IMMP2L: variants seen among roughly 807,000 people sequenced by gnomAD.
IMMP2L encodes the protein mitochondrial inner membrane protease subunit 2.
A neutral mutation model predicts 19.3 loss-of-function variants in IMMP2L; 18 were observed. The ratio of observed to expected loss-of-function variants is 0.93; its 90% CI spans 0.64 to 1.38. The LOEUF (loss-of-function observed/expected upper bound fraction) is 1.38. Ranked by LOEUF, IMMP2L falls within the 40% of genes most tolerant of loss-of-function variation. The pLI is 0.00. For missense variants in IMMP2L, 233 were observed against 218.2 expected, an observed-to-expected ratio of 1.07 and a Z score of -0.43; for synonymous variants, 76 against 73.0, an observed-to-expected ratio of 1.04 and a Z score of -0.21.
chr7:111,135,016 T>C (rs1477057447), intron 3 of IMMP2L, among the ~76,000 whole-genome samples: 4 of 152,108 alleles, frequency 2.6e-5, no homozygotes, highest in Non-Finnish European at 5.9e-5. Context: ...GATAAGGAAA[T>C]TCTACCCCAA....
intron 5 of IMMP2L, among the ~76,000 whole-genome samples, chr7:110,693,239 G>A (rs1363632384): frequency 2.0e-5 from 3 of 152,162 alleles, no homozygotes; most frequent in African/African-American, 7.2e-5. Context: ...CTCTAATGCT[G>A]AGTGATCTCC....
chr7:111,241,979 C>G (rs895453051), intron 3 of IMMP2L, among the ~76,000 whole-genome samples: 1 of 151,920 alleles, frequency 6.6e-6, no homozygotes. Flanking sequence ...TATGATTCAC[C>G]TGACCCAACC....
intron 3 of IMMP2L, among the ~76,000 whole-genome samples, chr7:111,240,846 A>C (rs1288160891): frequency 6.6e-6 from 1 of 151,882 alleles, no homozygotes; most frequent in East Asian, 1.9e-4. Context: ...CCCCATACTT[A>C]AGTCACACTT....
At chr7:110,871,657 A>G (rs181011753) in intron 5 of IMMP2L, among the ~76,000 whole-genome samples, 1 of 152,264 alleles carries the variant, frequency 6.6e-6, no homozygotes, top group African/African-American at 2.4e-5. Context: ...CAAAAGAAAT[A>G]TTATGGAAGG....
chr7:111,202,196 G>GA (rs1810217190), intron 3 of IMMP2L, among the ~76,000 whole-genome samples: 1 of 152,100 alleles, frequency 6.6e-6, no homozygotes, highest in Non-Finnish European at 1.5e-5. Context: ...TGTTTCCTTT[G>GA]ATATCAGGTT....
intron 3 of IMMP2L, among the ~76,000 whole-genome samples, chr7:110,994,188 AC>A (rs1822795989): frequency 6.7e-6 from 1 of 149,430 alleles, no homozygotes; most frequent in Non-Finnish European, 1.5e-5. Flanking sequence ...CTATTGACAA[AC>A]CCCGGTTGAT....
At chr7:111,103,596 C>G (rs1210419277) in intron 3 of IMMP2L, among the ~76,000 whole-genome samples, 1 of 151,584 alleles carries the variant, frequency 6.6e-6, no homozygotes. Flanking sequence ...CTATTTTGTT[C>G]TGTCATTTCT....
At chr7:110,731,293 C>G (rs1332722552) in intron 5 of IMMP2L, among the ~76,000 whole-genome samples, 1 of 152,002 alleles carries the variant, frequency 6.6e-6, no homozygotes, top group Admixed American at 6.6e-5. Flanking sequence ...TATAGAATAT[C>G]ATAAAAAATA....
At chr7:110,674,857 C>T (rs1344376445) in intron 5 of IMMP2L, among the ~76,000 whole-genome samples, 1 of 152,140 alleles carries the variant, frequency 6.6e-6, no homozygotes, top group Non-Finnish European at 1.5e-5. Context: ...ATCTATCTGC[C>T]TGCTTCTGAT....
chr7:110,930,265 AT>A (rs1320626069), intron 4 of IMMP2L, among the ~76,000 whole-genome samples: 1 of 151,856 alleles, frequency 6.6e-6, no homozygotes, highest in Non-Finnish European at 1.5e-5. Context: ...CACCAAGGTT[AT>A]CCTCTTAGTT....
chr7:111,075,742 T>C (rs1795348828), intron 3 of IMMP2L, among the ~76,000 whole-genome samples: 1 of 152,144 alleles, frequency 6.6e-6, no homozygotes, highest in African/African-American at 2.4e-5. Context: ...TTTCCCCACG[T>C]TGTCACATCT....
At chr7:110,723,313 C>A (rs1795690948) in intron 5 of IMMP2L, among the ~76,000 whole-genome samples, 1 of 152,204 alleles carries the variant, frequency 6.6e-6, no homozygotes. Flanking sequence ...CACCAGCTAA[C>A]AGAATAAACT....
At chr7:111,553,724 A>G (rs190197444) in intron 1 of IMMP2L, among the ~76,000 whole-genome samples, 38 of 152,314 alleles carry the variant, frequency 2.5e-4, no homozygotes, top group Admixed American at 2.0e-3. Flanking sequence ...AGCATTACAC[A>G]AATGTAGTAA....
intron 3 of IMMP2L, among the ~76,000 whole-genome samples, chr7:111,207,639 G>A (rs1311193287): frequency 3.4e-5 from 5 of 145,028 alleles, no homozygotes; most frequent in African/African-American, 1.0e-4. Context: ...GGGTTCAAGC[G>A]ATTCTACTGC....
chr7:110,766,717 T>G (rs967100743), intron 5 of IMMP2L, among the ~76,000 whole-genome samples: 1 of 152,112 alleles, frequency 6.6e-6, no homozygotes, highest in African/African-American at 2.4e-5. Flanking sequence ...GTTTCCTTTA[T>G]GAAAACTGAG....
chr7:110,967,833 A>C (rs1307333236), intron 3 of IMMP2L, among the ~76,000 whole-genome samples: 1 of 152,122 alleles, frequency 6.6e-6, no homozygotes, highest in East Asian at 1.9e-4. Context: ...GTAGAACGAA[A>C]AGTCCACTCA....
intron 3 of IMMP2L, among the ~76,000 whole-genome samples, chr7:111,317,172 G>C (rs963390789): frequency 2.6e-5 from 4 of 152,104 alleles, no homozygotes; most frequent in Non-Finnish European, 4.4e-5. Flanking sequence ...GTCTCAACGT[G>C]GTTAAGTGAG....
At position 111,086,785 on chromosome 7, in the gene IMMP2L, G is replaced by A. The variant is rs561148761; in HGVS notation, c.240-123220C>T. 2.6e-5 allele frequency among the ~76,000 whole-genome samples: 4 copies of A among 152,296 alleles called. No individual in the cohort carries two copies. The South Asian group carries it at 8.3e-4, about 32-fold the overall frequency. ...CGACTCATTTTTTCCACTAGGCACTGCATTTCTTCAGAGCTCTACTTCTCA... is the reference window on the plus strand; with the variant it reads ...CGACTCATTTTTTCCACTAGGCACTACATTTCTTCAGAGCTCTACTTCTCA... On this transcript the variant is annotated intron_variant, in intron 3 of 5. Coordinates refer to ENST00000405709, the MANE Select transcript of IMMP2L (RefSeq NM_032549.4).
intron 3 of IMMP2L, among the ~76,000 whole-genome samples, chr7:111,248,867 A>C (rs1191216172): frequency 8.0e-5 from 1 of 12,534 alleles, no homozygotes. Flanking sequence ...TTGAGGAGGC[A>C]GTCTGCCCGT....
Sources: allele counts gnomAD v4.1 joint callset (sites outside exome capture counted in the v4.1 genomes callset), GRCh38; gene constraint gnomAD v4.1.1; transcripts MANE v1.5; gene names NCBI Gene and HGNC (gene_info 2026-07-23, HGNC 2026-07-21).